Variants in CRYGN observed in about 807,000 individuals in gnomAD.
CRYGN encodes gamma-crystallin N.
Under a neutral mutation model 19.2 loss-of-function variants are expected in CRYGN, and 17 were observed. That is an observed-to-expected ratio of 0.89 (90% confidence interval 0.61 to 1.33). CRYGN has a LOEUF of 1.33. Ranked by LOEUF, CRYGN falls within the 40% of genes most tolerant of loss-of-function variation. The probability of loss-of-function intolerance (pLI) is 0.00; values close to 1 mark genes in which losing one functional copy is unlikely to be tolerated. For missense variants in CRYGN, 239 were observed against 239.6 expected (o/e 1.00, Z 0.02); for synonymous variants, 84 against 85.8 (o/e 0.98, Z 0.12).
In CRYGN at chr7:151,429,855, G is replaced by C; in HGVS notation, c.*193C>G. ...AAGGAGGCTGTGGGGTGGAGGGTTG[G>C]ACGGCTGTTTCAGAAGAGACAGGGC... On this transcript the variant is annotated 3_prime_UTR_variant, in exon 4 of 4. Coordinates refer to ENST00000337323, the MANE Select transcript of CRYGN (RefSeq NM_144727.3). 1.7e-6 allele frequency: 1 copy of C among 605,622 alleles called. No homozygotes were observed. The highest frequency in any genetic ancestry group is 3.0e-6 in the Non-Finnish European group (1 of 336,882). The allele number at this position is 605,622 out of a possible 1,614,324, so 37.5% of individuals were successfully genotyped here. A position where few individuals can be genotyped will look rare whatever the true frequency, so the allele number is the denominator to read the frequency against.
upstream of CRYGN, chr7:151,440,777 A>G: frequency 6.5e-6 from 1 of 153,056 alleles, no homozygotes; most frequent in Non-Finnish European, 1.5e-5. Flanking sequence ...GCGGAGGGAG[A>G]GTTCCCCAGG....
rs1014145411 is a variant in CRYGN, at chr7:151,429,093, C to T, written c.*955G>A. The stretch of plus-strand genomic sequence containing the variant: ...TGACTCCCAAGGACCTGGACTGAAC[C>T]GGTGGGGCCTGCAGTTCTCATTTCA... On this transcript the variant is annotated 3_prime_UTR_variant, in exon 4 of 4. Transcript: ENST00000337323. The T allele has an allele frequency of 2.6e-5, 4 of 152,664 alleles. No homozygotes were observed. The highest frequency in any genetic ancestry group is 9.7e-5 in the African/African-American group (4 of 41,448). 9.5% of individuals were successfully genotyped at this position (152,664 alleles called of 1,614,324 possible).
In CRYGN at chr7:151,431,364, C is replaced by T. The variant is rs1801458459; in HGVS notation, c.417-1184G>A. ...CTTCCAGGACAGACTTCTCCCTCCC[C>T]TCTGCCCCTCAAGGGTGGGGTGTCC... On this transcript the variant is annotated intron_variant, in intron 3 of 3. Transcript: ENST00000337323. This position sits in a 1 kb window ranked among gnomAD's most constrained non-coding sequence, Gnocchi z 4.8. Among the ~76,000 whole-genome samples, 1 of 152,194 alleles carries T rather than the reference C, an allele frequency of 6.6e-6. No individual in the cohort carries two copies. The highest frequency in any genetic ancestry group is 2.1e-4 in the South Asian group (1 of 4,834).
chr7:151,438,280 G>T, intron 1 of CRYGN, 36 bp from the exon 2 acceptor site: 5 of 1,575,894 alleles, frequency 3.2e-6, no homozygotes, highest in Non-Finnish European at 2.6e-6. Flanking sequence ...AGGGTCAGGG[G>T]CTTCTCTCCG....
intron 3 of CRYGN, among the ~76,000 whole-genome samples, chr7:151,434,973 G>A (rs1401855522): frequency 1.3e-5 from 2 of 152,220 alleles, no homozygotes; most frequent in Admixed American, 1.3e-4. Flanking sequence ...TAGTTGTACA[G>A]TATCTTTCAG....
rs925922065 is a variant in CRYGN, at chr7:151,431,261, G to C, written c.417-1081C>G. Among the ~76,000 whole-genome samples the C allele has an allele frequency of 8.5e-5, 13 of 152,178 alleles. No homozygotes were observed. Among genetic ancestry groups the C allele is most frequent in the Admixed American group, 2.0e-4 (3 of 15,286 alleles). On this transcript the variant is annotated intron_variant, in intron 3 of 3. Coordinates refer to ENST00000337323, the MANE Select transcript of CRYGN (RefSeq NM_144727.3). The surrounding 1 kb of genome is among the most constrained non-coding windows in gnomAD (Gnocchi z 4.8). Reference sequence around the variant, plus strand: ...GTGAGTTGGAAGCATAGGCGTGGGTGGGGAGGGAGTGGGGGGATGCTTTTG... The same window carrying C: ...GTGAGTTGGAAGCATAGGCGTGGGTCGGGAGGGAGTGGGGGGATGCTTTTG...
rs909683569 is a variant in CRYGN, at chr7:151,430,452, C to G, written c.417-272G>C. Among the ~76,000 whole-genome samples the G allele has an allele frequency of 6.6e-6, 1 of 152,146 alleles. No individual in the cohort carries two copies. The highest frequency in any genetic ancestry group is 2.4e-5 in the African/African-American group (1 of 41,438). Reference sequence around the variant, plus strand: ...GTGAATTGGGTGACCCATCGTGACTCTTTTTCCATTGCTCTCTCAGTGAGG... The same window carrying G: ...GTGAATTGGGTGACCCATCGTGACTGTTTTTCCATTGCTCTCTCAGTGAGG... On this transcript the variant is annotated intron_variant, in intron 3 of 3. Transcript: ENST00000337323. The surrounding 1 kb of genome is among the most constrained non-coding windows in gnomAD (Gnocchi z 5.2).
At position 151,438,070 on chromosome 7, in the gene CRYGN, G is replaced by T. The variant is rs767157543; in HGVS notation, c.196C>A (p.His66Asn). 1 of 1,614,076 alleles carries T rather than the reference G, an allele frequency of 6.2e-7. No homozygotes were observed. The highest frequency in any genetic ancestry group is 1.1e-5 in the South Asian group (1 of 91,074). The change falls in exon 2 of 4, where the codon CAC (histidine) becomes AAC (asparagine). Residue 66 changes from histidine (H) to asparagine (N), a missense_variant. Transcript: ENST00000337323. ...CGGAAGAAGTCGGGGTAGTCGCCGT[G>T]CTCCAAGATGAACTGCTGGCCCCGG... Reference protein sequence around the residue: ...DFRGQQFILEHGDYPDFFRWN... With the variant: ...DFRGQQFILENGDYPDFFRWN...
rs779726577 is a variant in CRYGN, at chr7:151,436,222, ACCCAGC to A, written c.368_373del (p.Gly123_Trp124del). On this transcript the variant is annotated inframe_deletion, in exon 3 of 4. Coordinates refer to ENST00000337323, the MANE Select transcript of CRYGN (RefSeq NM_144727.3). This position sits in a 1 kb window ranked among gnomAD's most constrained non-coding sequence, Gnocchi z 5.1. ...CTTGATGGTGTTCACACAGTTCTTG[ACCCAGC>A]CCCTGCTCTGGAGGAAGGGGCTGTC... is the stretch of plus-strand genomic sequence containing the variant. 6.3e-7 allele frequency: 1 copy of A among 1,593,424 alleles called. No individual in the cohort carries two copies. Among genetic ancestry groups the A allele is most frequent in the East Asian group, 2.3e-5 (1 of 43,620 alleles).
intron 3 of CRYGN, chr7:151,432,427 G>A (rs1801494154): frequency 2.4e-6 from 1 of 418,640 alleles, no homozygotes; most frequent in Non-Finnish European, 4.1e-6. Flanking sequence ...AGGCACCCAC[G>A]GTGCCTTCCC....
At position 151,431,864 on chromosome 7, in the gene CRYGN, C is replaced by T. The variant is rs1801475581; in HGVS notation, c.417-1684G>A. 2 of 239,542 alleles carry T rather than the reference C, an allele frequency of 8.3e-6. No individual in the cohort carries two copies. Among genetic ancestry groups the T allele is most frequent in the African/African-American group, 2.2e-5 (1 of 44,784 alleles). The allele number at this position is 239,542 out of a possible 1,614,324, so 14.8% of individuals were successfully genotyped here. ...AGAGCCCCAAGCGAGCCTGGGGAGT[C>T]CTGAACCGGCCTGGGTTCCGGCCCT... On this transcript the variant is annotated intron_variant, in intron 3 of 3. Coordinates refer to ENST00000337323, the MANE Select transcript of CRYGN (RefSeq NM_144727.3). The surrounding 1 kb of genome is among the most constrained non-coding windows in gnomAD (Gnocchi z 4.8).
intron 3 of CRYGN, among the ~76,000 whole-genome samples, chr7:151,434,755 G>A (rs1801558014): frequency 6.6e-6 from 1 of 152,188 alleles, no homozygotes; most frequent in Non-Finnish European, 1.5e-5. Context: ...TTAAGCACAT[G>A]ATATATAACA....
rs144136656 is a variant in CRYGN at position 151,434,756 on chromosome 7, A to T, written c.416+1424T>A. Among the ~76,000 whole-genome samples, 38 of 152,338 alleles carry T rather than the reference A, an allele frequency of 2.5e-4. No individual in the cohort carries two copies. In the East Asian group the frequency reaches 7.1e-3, roughly 29 times the overall value. The stretch of plus-strand genomic sequence containing the variant: ...TGGGAACCGTGGCTTTAAGCACATG[A>T]TATATAACAAAGCCATTTCTCCCCT... On this transcript the variant is annotated intron_variant, in intron 3 of 3. Coordinates refer to ENST00000337323, the MANE Select transcript of CRYGN (RefSeq NM_144727.3).
rs537876122 is a variant in CRYGN at position 151,431,272 on chromosome 7, G to C, written c.417-1092C>G. Among the ~76,000 whole-genome samples, 9 of 152,254 alleles carry C rather than the reference G, an allele frequency of 5.9e-5. No homozygotes were observed. The highest frequency in any genetic ancestry group is 2.2e-4 in the African/African-American group (9 of 41,554). ...GCATAGGCGTGGGTGGGGAGGGAGT[G>C]GGGGGATGCTTTTGGGGACGTGGAC... On this transcript the variant is annotated intron_variant, in intron 3 of 3. Coordinates refer to ENST00000337323, the MANE Select transcript of CRYGN (RefSeq NM_144727.3). The surrounding 1 kb of genome is among the most constrained non-coding windows in gnomAD (Gnocchi z 4.8).
At chr7:151,437,710 A>C (rs549773356) in intron 2 of CRYGN, 2 of 927,898 alleles carry the variant, frequency 2.2e-6, no homozygotes, top group Admixed American at 5.8e-5. Flanking sequence ...GATGATTTCA[A>C]CAGCATTTTA....
At chr7:151,438,279 G>C (rs765104917) in intron 1 of CRYGN, 35 bp from the exon 2 acceptor site, 4 of 1,578,370 alleles carry the variant, frequency 2.5e-6, no homozygotes, top group Non-Finnish European at 3.4e-6. Context: ...CAGGGTCAGG[G>C]GCTTCTCTCC....
chr7:151,438,098 G>A lies in CRYGN; in HGVS notation c.168C>T (p.Asp56=), dbSNP rs1801666833. ...SGAWVCFNHP[D]FRGQQFILEH... is the part of the protein sequence containing the mutation. ...CCAAGATGAACTGCTGGCCCCGGAA[G>A]TCGGGGTGATTGAAGCAGACCCAGG... Residue 56 remains aspartate (D), a synonymous_variant, in exon 2 of 4, where the codon GAC becomes GAT. Transcript: ENST00000337323. 2 of 1,614,182 alleles carry A rather than the reference G, an allele frequency of 1.2e-6. No homozygotes were observed. Among genetic ancestry groups the A allele is most frequent in the Non-Finnish European group, 1.7e-6 (2 of 1,180,020 alleles).
In CRYGN at chr7:151,431,017, C is replaced by T. The variant is rs1229995016; in HGVS notation, c.417-837G>A. Among the ~76,000 whole-genome samples the T allele has an allele frequency of 6.6e-6, 1 of 152,210 alleles. No homozygotes were observed. The highest frequency in any genetic ancestry group is 1.5e-5 in the Non-Finnish European group (1 of 68,042). On this transcript the variant is annotated intron_variant, in intron 3 of 3. Coordinates refer to ENST00000337323, the MANE Select transcript of CRYGN (RefSeq NM_144727.3). This position sits in a 1 kb window ranked among gnomAD's most constrained non-coding sequence, Gnocchi z 4.8. The stretch of plus-strand genomic sequence containing the variant: ...GTGGACATCTTTGGGGTCTCCATGT[C>T]CAGGAGCCCCCATGCTCAGGAATCT...
rs1429748819 is a variant in CRYGN, at chr7:151,429,511, T to A, written c.*537A>T. 2 of 165,328 alleles carry A rather than the reference T, an allele frequency of 1.2e-5. No individual in the cohort carries two copies. The highest frequency in any genetic ancestry group is 5.5e-5 in the Admixed American group (1 of 18,080). The allele number at this position is 165,328 out of a possible 1,614,324, so 10.2% of individuals were successfully genotyped here. On this transcript the variant is annotated 3_prime_UTR_variant, in exon 4 of 4. Transcript: ENST00000337323. Reference sequence around the variant, plus strand: ...AAATATATCTAAATATGCAAATGTGTGGTGCTCTATAGAGGAGTGGTTAGG... The same window carrying A: ...AAATATATCTAAATATGCAAATGTGAGGTGCTCTATAGAGGAGTGGTTAGG...
Sources: allele counts gnomAD v4.1 joint callset (sites outside exome capture counted in the v4.1 genomes callset), GRCh38; gene constraint gnomAD v4.1.1; non-coding constraint Gnocchi (gnomAD v3.1); transcripts MANE v1.5; gene names NCBI Gene and HGNC (gene_info 2026-07-23, HGNC 2026-07-21).